The following NT5C2 variants were observed in gnomAD, a reference collection of about 807,000 sequenced individuals.
NT5C2 encodes the protein cytosolic purine 5'-nucleotidase.
A neutral mutation model predicts 76.1 loss-of-function variants in NT5C2; 58 were observed. That is an observed-to-expected ratio of 0.76 (90% CI 0.62 to 0.95). NT5C2 has a LOEUF of 0.95. Ranked by LOEUF, NT5C2 falls within the 40% of genes least tolerant of loss-of-function variation. The pLI, the probability that NT5C2 is intolerant of heterozygous loss-of-function variation, is 0.00. For synonymous variants in NT5C2, 229 were observed against 237.4 expected (o/e 0.96, Z 0.32); for missense variants, 478 against 690.3 (o/e 0.69, Z 3.45).
chr10:103,168,790 ATATT>A (rs1397383749), intron 3 of NT5C2, among the ~76,000 whole-genome samples: 1 of 152,218 alleles, frequency 6.6e-6, no homozygotes, highest in Non-Finnish European at 1.5e-5. Flanking sequence ...TGGAAGTTAG[ATATT>A]TATTTACTTA....
At chr10:103,122,443 C>T (rs1039843091) in intron 4 of NT5C2, among the ~76,000 whole-genome samples, 3 of 152,142 alleles carry the variant, frequency 2.0e-5, no homozygotes, top group African/African-American at 7.2e-5. Context: ...GATATCTCAT[C>T]TAGAGTTACT....
chr10:103,125,677 T>C (rs1310506146), intron 4 of NT5C2, among the ~76,000 whole-genome samples: 2 of 152,136 alleles, frequency 1.3e-5, no homozygotes, highest in Non-Finnish European at 2.9e-5. Flanking sequence ...TAAGTAACAA[T>C]ACTAATGGAA....
At chr10:103,100,697 A>G (rs1299735619) in intron 8 of NT5C2, 2 of 496,982 alleles carry the variant, frequency 4.0e-6, no homozygotes, top group Non-Finnish European at 7.9e-6. Context: ...CTGCTGTGAA[A>G]TGAGTTGGGG....
chr10:103,184,059 T>G (rs2091689760), intron 1 of NT5C2, among the ~76,000 whole-genome samples: 1 of 151,954 alleles, frequency 6.6e-6, no homozygotes, highest in South Asian at 2.1e-4. Context: ...TTCAAGCGAT[T>G]CTCCTGCGTC....
chr10:103,094,521 T>TAA, intron 12 of NT5C2, 66 bp from the exon 13 acceptor site: 2 of 805,386 alleles, frequency 2.5e-6, no homozygotes, highest in Admixed American at 3.9e-5. Flanking sequence ...CTATTTAATC[T>TAA]CACTCAGATG....
chr10:103,101,666 T>C (rs140193005), intron 6 of NT5C2, among the ~76,000 whole-genome samples: 1,845 of 151,840 alleles, frequency 0.012, 10 homozygotes, highest in Non-Finnish European at 0.019. Context: ...CTTAAAAGAG[T>C]TGTCAGTGTG....
At chr10:103,129,368 C>T (rs1305068884) in intron 4 of NT5C2, among the ~76,000 whole-genome samples, 1 of 118,586 alleles carries the variant, frequency 8.4e-6, no homozygotes, top group African/African-American at 3.2e-5. Flanking sequence ...GCTCTCCGCC[C>T]GGCCAGCCGC....
At chr10:103,163,860 CA>C (rs1156583063) in intron 3 of NT5C2, among the ~76,000 whole-genome samples, 6 of 50,398 alleles carry the variant, frequency 1.2e-4, no homozygotes, top group African/African-American at 3.9e-4. Context: ...ACTAAAAATA[CA>C]AAAAAAAAAC....
chr10:103,139,252 AT>A (rs550198855), intron 4 of NT5C2, among the ~76,000 whole-genome samples, 153 bp downstream of exon 4: 28 of 152,328 alleles, frequency 1.8e-4, no homozygotes, highest in African/African-American at 6.7e-4. Context: ...TAATTTCAAT[AT>A]TCACAAATCT....
chr10:103,096,663 T>TTAAAACC (rs1194780987), intron 11 of NT5C2, among the ~76,000 whole-genome samples: 2 of 151,424 alleles, frequency 1.3e-5, no homozygotes, highest in African/African-American at 4.9e-5. Context: ...GTCCAAGATG[T>TTAAAACC]TAAAACCTCG....
chr10:103,178,403 G>A (rs2090422133), intron 2 of NT5C2, among the ~76,000 whole-genome samples: 1 of 152,058 alleles, frequency 6.6e-6, no homozygotes. Context: ...AAATTAGTTG[G>A]GCATGGTGGT....
At chr10:103,097,930 A>G in intron 10 of NT5C2, 2 of 468,042 alleles carry the variant, frequency 4.3e-6, no homozygotes, top group Non-Finnish European at 8.3e-6. Context: ...CTTCTCGCAT[A>G]GCAAATAGAT....
chr10:103,093,895 C>A lies in NT5C2; in HGVS notation c.988+77G>T, dbSNP rs2067517933. 3 of 1,135,074 alleles carry A rather than the reference C, an allele frequency of 2.6e-6. No homozygotes were observed. In the South Asian group the frequency reaches 3.7e-5, roughly 14 times the overall value. 70.3% of individuals were successfully genotyped at this position (1,135,074 alleles called of 1,614,324 possible). A position where few individuals can be genotyped will look rare whatever the true frequency, so the allele number is the denominator to read the frequency against. On this transcript the variant is annotated intron_variant, in intron 14 of 18. Coordinates refer to ENST00000404739, the MANE Select transcript of NT5C2 (RefSeq NM_001351169.2). ...AGACTACTAAACAGTATATGTGGCA[C>A]TTTGCTGAGAGATTACCAAAGCTTT...
At chr10:103,182,297 G>A (rs148773965) in intron 1 of NT5C2, among the ~76,000 whole-genome samples, 12 of 152,176 alleles carry the variant, frequency 7.9e-5, no homozygotes, top group African/African-American at 2.9e-4. Flanking sequence ...GGTAATAATA[G>A]CAGTATGAAT....
In NT5C2 at chr10:103,181,343, A is replaced by AG. The variant is rs1452808807; in HGVS notation, c.-168-16_-168-15insC. 1 of 151,712 alleles carries AG rather than the reference A, an allele frequency of 6.6e-6. No individual in the cohort carries two copies. The highest frequency in any genetic ancestry group is 1.5e-5 in the Non-Finnish European group (1 of 67,964). The allele number at this position is 151,712 out of a possible 1,614,324, so 9.4% of individuals were successfully genotyped here. A position where few individuals can be genotyped will look rare whatever the true frequency, so the allele number is the denominator to read the frequency against. On this transcript the variant is annotated splice_polypyrimidine_tract_variant and intron_variant, in intron 1 of 18. Coordinates refer to ENST00000404739, the MANE Select transcript of NT5C2 (RefSeq NM_001351169.2). ...AGAGCGAAACTCTGTCTCAAAAAAA[A>AG]AAAAAATAATAATTCACAGGCAAAA...
At chr10:103,155,257 T>C (rs945426201) in intron 3 of NT5C2, among the ~76,000 whole-genome samples, 3 of 152,232 alleles carry the variant, frequency 2.0e-5, no homozygotes, top group African/African-American at 7.2e-5. Context: ...GAGGGACATA[T>C]AGATCCTCTT....
At chr10:103,098,072 A>C (rs752632783) in intron 10 of NT5C2, 1 of 530,286 alleles carries the variant, frequency 1.9e-6, no homozygotes, top group Admixed American at 2.0e-5. Flanking sequence ...AAAATACTGT[A>C]TTCTGCTACT....
In NT5C2 at chr10:103,089,750, G is replaced by A. The variant is rs1209399534; in HGVS notation, c.1608C>T (p.Leu536=). Residue 536 remains leucine (L), a synonymous_variant, in exon 19 of 19, where the codon CTC becomes CTT. Transcript: ENST00000404739. ...RSISEIKPPN[L]FPLAPQEITH... is the part of the protein sequence containing the mutation. ...TAATTTCCTGGGGGGCCAGTGGGAA[G>A]AGGTTGGGAGGTTTAATCTCACTAA... is the stretch of plus-strand genomic sequence containing the variant. 1.2e-6 allele frequency: 2 copies of A among 1,613,836 alleles called. No individual in the cohort carries two copies. The highest frequency in any genetic ancestry group is 8.5e-7 in the Non-Finnish European group (1 of 1,179,978).
intron 4 of NT5C2, among the ~76,000 whole-genome samples, chr10:103,122,385 A>C (rs941242815): frequency 1.3e-5 from 2 of 152,178 alleles, no homozygotes; most frequent in Admixed American, 6.5e-5. Flanking sequence ...ATTTGGGGGG[A>C]AAAAATTAAG....
Sources: allele counts gnomAD v4.1 joint callset (sites outside exome capture counted in the v4.1 genomes callset), GRCh38; gene constraint gnomAD v4.1.1; transcripts MANE v1.5; gene names NCBI Gene and HGNC (gene_info 2026-07-23, HGNC 2026-07-21).